The following SH3TC1 variants were observed in gnomAD, a reference collection of about 807,000 sequenced individuals.
SH3TC1 encodes the protein SH3 domain and tetratricopeptide repeat-containing protein 1.
A neutral mutation model predicts 117.3 loss-of-function variants in SH3TC1; 135 were observed. The ratio of observed to expected loss-of-function variants is 1.15; its 90% CI spans 1.00 to 1.33. The LOEUF is 1.33. Ranked by LOEUF, SH3TC1 falls within the 40% of genes most tolerant of loss-of-function variation. SH3TC1 has a pLI of 0.00. For missense variants in SH3TC1, 2,092 were observed against 1,794.3 expected, an observed-to-expected ratio of 1.17 and a Z score of -3.00; for synonymous variants, 898 against 816.9, an observed-to-expected ratio of 1.10 and a Z score of -1.69.
At chr4:8,215,191 T>C (rs767599651) in intron 5 of SH3TC1, 2 of 456,142 alleles carry the variant, frequency 4.4e-6, no homozygotes, top group Non-Finnish European at 8.8e-6. Context: ...GAAGCTGCCG[T>C]CCAGTGGCCT....
chr4:8,233,039 A>C, intron 13 of SH3TC1: 5 of 1,225,588 alleles, frequency 4.1e-6, no homozygotes, highest in Non-Finnish European at 5.2e-6. Flanking sequence ...ATCGGCCTGG[A>C]TAGCATCTGA....
rs188769828 is a variant in SH3TC1, at chr4:8,205,771, G to A, written c.172+405G>A. The A allele has an allele frequency of 1.4e-3, 932 of 644,924 alleles. 5 individuals are homozygous for A. In the African/African-American group the frequency reaches 0.015, roughly 10 times the overall value. The allele number at this position is 644,924 out of a possible 1,614,324, so 40.0% of individuals were successfully genotyped here. A position where few individuals can be genotyped will look rare whatever the true frequency, so the allele number is the denominator to read the frequency against. On this transcript the variant is annotated intron_variant, in intron 2 of 17. Transcript: ENST00000245105. This position sits in a 1 kb window ranked among gnomAD's most constrained non-coding sequence, Gnocchi z 5.4. ...CCCAAGGTGCAGAGAGGGAAGGGCC[G>A]GGCCAGGCCACCCTGTGGTCAGGGG...
chr4:8,216,401 A>C (rs1719278045), intron 6 of SH3TC1, 144 bp downstream of exon 6: 1 of 1,297,044 alleles, frequency 7.7e-7, no homozygotes, highest in Non-Finnish European at 1.0e-6. Context: ...TGCTTCAGGC[A>C]GGGAGGTGTG....
In SH3TC1 at chr4:8,228,563, A is replaced by AC; in HGVS notation, c.2872dup (p.Arg958ProfsTer54). 6.2e-7 allele frequency: 1 copy of AC among 1,601,078 alleles called. No homozygotes were observed. The highest frequency in any genetic ancestry group is 8.5e-7 in the Non-Finnish European group (1 of 1,174,546). Reference sequence around the variant, plus strand: ...GCTCCTGCAGCTGGGCCATCTCTGCACCCGCCAGGGCCCGGCCCAGCAGGG... The same window carrying AC: ...GCTCCTGCAGCTGGGCCATCTCTGCACCCCGCCAGGGCCCGGCCCAGCAGGG... On this transcript the variant is annotated frameshift_variant, in exon 12 of 18. Transcript: ENST00000245105. LOFTEE classifies it high-confidence loss of function.
chr4:8,223,764 C>T (rs1720173567), intron 10 of SH3TC1, among the ~76,000 whole-genome samples: 1 of 151,986 alleles, frequency 6.6e-6, no homozygotes, highest in Non-Finnish European at 1.5e-5. Flanking sequence ...TCCCAAGTAG[C>T]TGGAACTACA....
rs938725363 is a variant in SH3TC1, at chr4:8,183,832, C to A, written c.-57+1622C>A. Reference sequence around the variant, plus strand: ...GTCTTTACCTAACGCCTTCGCCTGCCCCGGGATCCCACCCAGGACCCCACT... The same window carrying A: ...GTCTTTACCTAACGCCTTCGCCTGCACCGGGATCCCACCCAGGACCCCACT... On this transcript the variant is annotated intron_variant, in intron 1 of 16. Transcript: ENST00000508641. This position sits in a 1 kb window ranked among gnomAD's most constrained non-coding sequence, Gnocchi z 5.4. Among the ~76,000 whole-genome samples, 2 of 152,152 alleles carry A rather than the reference C, an allele frequency of 1.3e-5. No individual in the cohort carries two copies. The highest frequency in any genetic ancestry group is 2.9e-5 in the Non-Finnish European group (2 of 68,032).
intron 14 of SH3TC1, among the ~76,000 whole-genome samples, chr4:8,235,179 C>T (rs1027015125): frequency 1.3e-5 from 2 of 152,214 alleles, no homozygotes; most frequent in African/African-American, 4.8e-5. Context: ...TGGGCTAGGG[C>T]TAGCCCTGGT....
rs1244363168 is a variant in SH3TC1, at chr4:8,228,592, G to A, written c.2898G>A (p.Lys966=). 6.4e-7 allele frequency: 1 copy of A among 1,569,156 alleles called. No homozygotes were observed. The highest frequency in any genetic ancestry group is 8.6e-7 in the Non-Finnish European group (1 of 1,160,054). ...GCCAGGGCCCGGCCCAGCAGGGCAAGGGCTACTACGAGTGGGCCCTTCTGG... is the reference window on the plus strand; with the variant it reads ...GCCAGGGCCCGGCCCAGCAGGGCAAAGGCTACTACGAGTGGGCCCTTCTGG... ...CTRQGPAQQG[K]GYYEWALLVA... is the part of the protein sequence containing the mutation. The change falls in exon 12 of 18, where the codon AAG becomes AAA. Residue 966 remains lysine (K), a synonymous_variant. Coordinates refer to ENST00000245105, the MANE Select transcript of SH3TC1 (RefSeq NM_018986.5).
At chr4:8,236,035 C>A in intron 15 of SH3TC1, 1 of 529,578 alleles carries the variant, frequency 1.9e-6, no homozygotes. Flanking sequence ...CCCAGTCAGA[C>A]CCCTGGTGCC....
intron 9 of SH3TC1, among the ~76,000 whole-genome samples, chr4:8,222,162 G>T (rs976898406): frequency 2.6e-5 from 4 of 152,022 alleles, no homozygotes; most frequent in African/African-American, 9.7e-5. Flanking sequence ...AGTTTACAAT[G>T]TGGAGAGATT....
rs200316884 is a variant in SH3TC1 at position 8,208,378 on chromosome 4, TA to T, written c.173-1369del. The stretch of plus-strand genomic sequence containing the variant: ...TTTGAAACATTTCTTTCTTTTTTTT[TA>T]TTTTTTGAGATGGAGTCTCGCTCTG... On this transcript the variant is annotated intron_variant, in intron 2 of 17. Transcript: ENST00000245105. Among the ~76,000 whole-genome samples, 57 of 149,210 alleles carry T rather than the reference TA, an allele frequency of 3.8e-4. 6 individuals carry two copies. Among genetic ancestry groups the T allele is most frequent in the South Asian group, 1.5e-3 (7 of 4,716 alleles).
At chr4:8,198,942 C>T (rs1373203214), upstream of SH3TC1, among the ~76,000 whole-genome samples, 2 of 151,708 alleles carry the variant, frequency 1.3e-5, no homozygotes, top group East Asian at 1.9e-4. Flanking sequence ...TGCAGGCATG[C>T]GTGTGTGTGT....
At chr4:8,193,898 G>A (rs889119451) in intron 1 of SH3TC1, among the ~76,000 whole-genome samples, 3 of 152,248 alleles carry the variant, frequency 2.0e-5, no homozygotes, top group Admixed American at 6.5e-5. Flanking sequence ...GCAGAGAACT[G>A]AAGATGCTCT....
intron 3 of SH3TC1, among the ~76,000 whole-genome samples, chr4:8,212,123 G>A (rs954487946): frequency 6.6e-6 from 1 of 152,076 alleles, no homozygotes; most frequent in South Asian, 2.1e-4. Context: ...AGGGGTGGGG[G>A]CCCTCTGCCC....
chr4:8,233,803 TTCCATCCATCCATCA>T (rs1228007622), intron 14 of SH3TC1, among the ~76,000 whole-genome samples: 1 of 147,322 alleles, frequency 6.8e-6, no homozygotes, highest in Non-Finnish European at 1.5e-5. Context: ...CTGTTCGTCC[TTCCATCCATCCATCA>T]TCCGTCCATC....
intron 1 of SH3TC1, among the ~76,000 whole-genome samples, chr4:8,185,715 G>T (rs1281110): frequency 0.59 from 89,833 of 152,052 alleles, 27,481 homozygotes; most frequent in South Asian, 0.81. Flanking sequence ...GTGGTTTATC[G>T]GACACCCAGG....
intron 1 of SH3TC1, among the ~76,000 whole-genome samples, chr4:8,189,441 C>T (rs574176047): frequency 9.2e-5 from 14 of 152,162 alleles, no homozygotes; most frequent in African/African-American, 2.2e-4. Context: ...GGCAACACAC[C>T]GCCGTCACAG....
chr4:8,230,395 C>T (rs1018825683), intron 12 of SH3TC1, among the ~76,000 whole-genome samples: 2 of 152,110 alleles, frequency 1.3e-5, no homozygotes, highest in Non-Finnish European at 2.9e-5. Context: ...CTCGGCCTCA[C>T]AAAGTGCTGG....
At chr4:8,237,401 G>T in intron 16 of SH3TC1, 73 bp from the exon 17 acceptor site, 1 of 1,301,776 alleles carries the variant, frequency 7.7e-7, no homozygotes, top group Non-Finnish European at 1.0e-6. Context: ...AGGCGAGCCA[G>T]GTGCTGCCGG....
Sources: gnomAD v4.1 joint callset for allele counts (sites outside exome capture counted in the v4.1 genomes callset) on GRCh38, gnomAD v4.1.1 for gene constraint, Gnocchi (gnomAD v3.1) non-coding constraint, MANE v1.5 for transcripts, NCBI Gene and HGNC (gene_info 2026-07-23, HGNC 2026-07-21) for gene names.